Variants in R3HDM2 observed in about 807,000 individuals in gnomAD.
The protein encoded by R3HDM2 is R3H domain-containing protein 2.
In R3HDM2, 38 loss-of-function variants were observed where a neutral mutation model predicts 124.5. The observed-to-expected ratio is 0.31, with a 90% CI of 0.24 to 0.40. The LOEUF is 0.40. R3HDM2 is among the 10% of genes least tolerant of loss of function. The pLI is 1.00. For missense variants in R3HDM2, 869 were observed against 1,236.9 expected (o/e 0.70, Z 4.46); for synonymous variants, 391 against 448.0 (o/e 0.87, Z 1.61).
intron 2 of R3HDM2, among the ~76,000 whole-genome samples, chr12:57,347,368 C>A (rs749765853): frequency 2.0e-5 from 3 of 152,000 alleles, no homozygotes; most frequent in Non-Finnish European, 4.4e-5. Flanking sequence ...GAGATCTCTA[C>A]AGTAACCAAT....
At chr12:57,294,640 A>G (rs893208776) in intron 10 of R3HDM2, among the ~76,000 whole-genome samples, 1 of 152,180 alleles carries the variant, frequency 6.6e-6, no homozygotes, top group African/African-American at 2.4e-5. Flanking sequence ...CGCTCTTCAA[A>G]TCGAATCCCT....
At chr12:57,419,870 A>G (rs546073364) in intron 1 of R3HDM2, among the ~76,000 whole-genome samples, 1 of 151,832 alleles carries the variant, frequency 6.6e-6, no homozygotes, top group Admixed American at 6.6e-5. Context: ...CTCAGCAGCT[A>G]TCTCTCCCAC....
intron 19 of R3HDM2, among the ~76,000 whole-genome samples, chr12:57,266,396 T>C (rs2042429372): frequency 6.6e-6 from 1 of 151,652 alleles, no homozygotes; most frequent in Non-Finnish European, 1.5e-5. Context: ...ATGCCTGGCC[T>C]TTTAAAAAAG....
chr12:57,279,905 G>C (rs1046839861), intron 14 of R3HDM2, among the ~76,000 whole-genome samples: 1 of 152,124 alleles, frequency 6.6e-6, no homozygotes, highest in Non-Finnish European at 1.5e-5. Flanking sequence ...AAGGGGTCTT[G>C]AGTGTTATTT....
At chr12:57,329,691 C>T (rs11614077) in intron 2 of R3HDM2, among the ~76,000 whole-genome samples, 31,135 of 151,432 alleles carry the variant, frequency 0.21, 4,096 homozygotes, top group South Asian at 0.43. Context: ...GCAGGAGAAT[C>T]GCTTGAACCA....
chr12:57,428,042 C>T lies in R3HDM2; in HGVS notation c.-106+2678G>A, dbSNP rs568859210. Among the ~76,000 whole-genome samples the T allele has an allele frequency of 6.5e-4, 99 of 151,928 alleles. 1 individual carries two copies. The highest frequency in any genetic ancestry group is 2.3e-3 in the African/African-American group (97 of 41,432). On this transcript the variant is annotated intron_variant, in intron 1 of 23. Transcript: ENST00000402412. ...GGCTGAGGCAGGAGAATCGCTTGAACCCAGGAGGTAGAGGTTGCAGTGAGC... is the reference window on the plus strand; with the variant it reads ...GGCTGAGGCAGGAGAATCGCTTGAATCCAGGAGGTAGAGGTTGCAGTGAGC...
chr12:57,284,499 G>A (rs1437244490), intron 12 of R3HDM2, among the ~76,000 whole-genome samples: 1 of 152,190 alleles, frequency 6.6e-6, no homozygotes, highest in Non-Finnish European at 1.5e-5. Context: ...CAATGACATG[G>A]ATAAAACCCA....
rs1015343107 is a variant in R3HDM2 at position 57,269,781 on chromosome 12, G to T, written c.1558C>A (p.Pro520Thr). ...TGAGGGGGCTGCATGTACCCCTGGG[G>T]TGGCAGAACTTGCTGAGTAGGTGGT... ...HAPPTQQVLP[P>T]QGYMQPPQQI... Residue 520 changes from proline (P) to threonine (T), a missense_variant, in exon 15 of 24, where the codon CCC (proline) becomes ACC (threonine). Pro to Thr is a conservative substitution (Grantham distance 38, BLOSUM62 -1). This residue lies in a region of R3HDM2 where 602 missense variants were observed against 789.2 expected (regional missense o/e 0.76). Coordinates refer to ENST00000402412, the MANE Select transcript of R3HDM2 (RefSeq NM_001394031.1). 18 of 1,614,208 alleles carry T rather than the reference G, an allele frequency of 1.1e-5. No homozygotes were observed. Among genetic ancestry groups the T allele is most frequent in the Non-Finnish European group, 1.3e-5 (15 of 1,180,032 alleles).
chr12:57,415,792 A>G (rs1213252138), intron 1 of R3HDM2, among the ~76,000 whole-genome samples: 1 of 152,206 alleles, frequency 6.6e-6, no homozygotes, highest in Non-Finnish European at 1.5e-5. Flanking sequence ...GAATCTAATC[A>G]TGACAAATTC....
At chr12:57,288,882 A>G in intron 12 of R3HDM2, 127 bp downstream of exon 12, 1 of 1,551,502 alleles carries the variant, frequency 6.4e-7, no homozygotes, top group Non-Finnish European at 8.7e-7. Context: ...CTCTTGTGAG[A>G]GCTAGAAGAA....
chr12:57,348,693 C>CAAAA (rs1168127324), intron 2 of R3HDM2, among the ~76,000 whole-genome samples: 264 of 25,028 alleles, frequency 0.011, 5 homozygotes, highest in African/African-American at 0.014. Flanking sequence ...GACTCCGTCT[C>CAAAA]AAAAAAAAAA....
At chr12:57,372,925 G>A (rs1361968685) in intron 2 of R3HDM2, among the ~76,000 whole-genome samples, 12 of 152,308 alleles carry the variant, frequency 7.9e-5, no homozygotes, top group Admixed American at 7.8e-4. Flanking sequence ...TCCAACTCTG[G>A]CCAAGCATGG....
At chr12:57,424,604 T>C (rs377736026) in intron 1 of R3HDM2, among the ~76,000 whole-genome samples, 1 of 152,192 alleles carries the variant, frequency 6.6e-6, no homozygotes, top group East Asian at 1.9e-4. Flanking sequence ...TTGATGCCCA[T>C]ACTGTTCCTC....
rs1406166275 is a variant in R3HDM2 at position 57,383,312 on chromosome 12, CTAAA to C, written c.-36+12433_-36+12436del. 4.6e-5 allele frequency among the ~76,000 whole-genome samples: 7 copies of C among 151,926 alleles called. No individual in the cohort carries two copies. The East Asian group carries it at 5.8e-4, about 13-fold the overall frequency. On this transcript the variant is annotated intron_variant, in intron 2 of 23. Transcript: ENST00000402412. ...TCCAACCTGGAGTGAGACCCTGTCT[CTAAA>C]TAAATAAATAAAGGTTAGCTATTAT...
chr12:57,283,605 G>C (rs1429662434), intron 13 of R3HDM2, among the ~76,000 whole-genome samples: 1 of 152,114 alleles, frequency 6.6e-6, no homozygotes, highest in African/African-American at 2.4e-5. Context: ...CAGGTGTGGT[G>C]GCGCATGCCT....
intron 1 of R3HDM2, among the ~76,000 whole-genome samples, chr12:57,414,138 C>T (rs912194823): frequency 1.3e-5 from 2 of 151,178 alleles, no homozygotes; most frequent in Non-Finnish European, 3.0e-5. Context: ...CGTGAGCCAC[C>T]TTGCCCAGCC....
intron 1 of R3HDM2, among the ~76,000 whole-genome samples, chr12:57,396,360 G>C (rs761767430): frequency 6.6e-6 from 1 of 152,050 alleles, no homozygotes; most frequent in Non-Finnish European, 1.5e-5. Context: ...AGAATCACTT[G>C]AACCCGGGAG....
Position 57,271,464 on chromosome 12 carries a change from A to G in R3HDM2, c.1345-1470T>C, listed in dbSNP as rs187125915. Among the ~76,000 whole-genome samples the G allele has an allele frequency of 2.2e-3, 333 of 149,012 alleles. 9 individuals carry two copies. The East Asian group carries it at 0.052, about 23-fold the overall frequency. On this transcript the variant is annotated intron_variant, in intron 14 of 23. Coordinates refer to ENST00000402412, the MANE Select transcript of R3HDM2 (RefSeq NM_001394031.1). The stretch of plus-strand genomic sequence containing the variant: ...CACACACACACACACACACACACGC[A>G]CACACAACTAGCAGAAACCAAAAGA...
At chr12:57,278,999 C>T (rs889549250) in intron 14 of R3HDM2, among the ~76,000 whole-genome samples, 3 of 151,836 alleles carry the variant, frequency 2.0e-5, no homozygotes, top group African/African-American at 7.3e-5. Flanking sequence ...GATGAGGGAG[C>T]CTGGGAGGTA....
Sources: allele counts gnomAD v4.1 joint callset (sites outside exome capture counted in the v4.1 genomes callset), GRCh38; gene constraint gnomAD v4.1.1; regional missense constraint gnomAD v4.1.1; transcripts MANE v1.5; gene names NCBI Gene and HGNC (gene_info 2026-07-23, HGNC 2026-07-21).